FRMPD1: variants seen among roughly 807,000 people sequenced by gnomAD.
The protein encoded by FRMPD1 is FERM and PDZ domain containing 1, also known as FERM and PDZ domain-containing protein 1.
In FRMPD1, 76 loss-of-function variants were observed where a neutral mutation model predicts 117.8. The observed-to-expected ratio is 0.65, with a 90% CI of 0.54 to 0.78. The LOEUF is 0.78. Ranked by LOEUF, FRMPD1 falls within the 30% of genes least tolerant of loss-of-function variation. The pLI, the probability that FRMPD1 is intolerant of heterozygous loss-of-function variation, is 0.00. For synonymous variants in FRMPD1, 783 were observed against 770.4 expected (o/e 1.02, Z -0.27); for missense variants, 1,786 against 1,964.5 (o/e 0.91, Z 1.72).
intron 6 of FRMPD1, 70 bp downstream of exon 6, chr9:37,719,246 C>T (rs1241649146): frequency 3.2e-6 from 3 of 929,504 alleles, no homozygotes; most frequent in Non-Finnish European, 5.3e-6. Flanking sequence ...ACTCCCTGAA[C>T]CTCTGGAATT....
the FRMPD1 span, among the ~76,000 whole-genome samples, chr9:37,637,536 C>T: frequency 6.6e-6 from 1 of 152,126 alleles, no homozygotes; most frequent in Non-Finnish European, 1.5e-5. Flanking sequence ...TGCTTCTTCC[C>T]CTAACCCCTA....
chr9:37,607,473 C>T, the FRMPD1 span, among the ~76,000 whole-genome samples: 1 of 152,196 alleles, frequency 6.6e-6, no homozygotes, highest in Non-Finnish European at 1.5e-5. Flanking sequence ...AAAGCGCCTC[C>T]TTTGTGTTAC....
intron 7 of FRMPD1, among the ~76,000 whole-genome samples, chr9:37,727,015 C>T (rs897957880): frequency 3.3e-5 from 5 of 152,046 alleles, no homozygotes; most frequent in South Asian, 2.1e-4. Flanking sequence ...AGGCAACATC[C>T]GGGCACGGCG....
intron 2 of FRMPD1, among the ~76,000 whole-genome samples, chr9:37,692,955 A>T (rs1184942156): frequency 6.6e-6 from 1 of 152,060 alleles, no homozygotes; most frequent in Non-Finnish European, 1.5e-5. Flanking sequence ...ACACACAGAG[A>T]CACCCCAACT....
chr9:37,659,308 TTC>T (rs1295581240), intron 1 of FRMPD1, among the ~76,000 whole-genome samples: 1 of 152,238 alleles, frequency 6.6e-6, no homozygotes, highest in Non-Finnish European at 1.5e-5. Context: ...GCCACATGTC[TTC>T]TGTCTCCTCC....
At chr9:37,737,629 G>A (rs984871649) in intron 14 of FRMPD1, among the ~76,000 whole-genome samples, 2 of 152,046 alleles carry the variant, frequency 1.3e-5, no homozygotes, top group Non-Finnish European at 2.9e-5. Flanking sequence ...TTTGAGACCA[G>A]CCTGGCCAAC....
At chr9:37,656,713 C>T (rs1820853490) in intron 1 of FRMPD1, among the ~76,000 whole-genome samples, 1 of 150,718 alleles carries the variant, frequency 6.6e-6, no homozygotes, top group Non-Finnish European at 1.5e-5. Flanking sequence ...TTTCAGTTAA[C>T]TATCTGCCTG....
intron 1 of FRMPD1, among the ~76,000 whole-genome samples, chr9:37,672,804 G>A: frequency 6.6e-6 from 1 of 152,116 alleles, no homozygotes. Context: ...AAGCAAAAGT[G>A]GAAGCCCCCA....
chr9:37,661,676 G>A (rs1418359791), intron 1 of FRMPD1: 1 of 152,204 alleles, frequency 6.6e-6, no homozygotes, highest in Non-Finnish European at 1.5e-5. Context: ...GTGTGAATTT[G>A]AAGGTTGCTT....
At chr9:37,621,123 A>C in the FRMPD1 span, among the ~76,000 whole-genome samples, 3 of 152,338 alleles carry the variant, frequency 2.0e-5, no homozygotes, top group East Asian at 3.9e-4. Flanking sequence ...CTTCATTACA[A>C]TATTTCATAT....
At chr9:37,696,051 C>CTTTTTTT (rs61521469) in intron 2 of FRMPD1, among the ~76,000 whole-genome samples, 16 of 78,108 alleles carry the variant, frequency 2.0e-4, no homozygotes, top group Admixed American at 3.2e-4. Context: ...CATTGTTTTG[C>CTTTTTTT]TTTTTTTTTT....
the FRMPD1 span, among the ~76,000 whole-genome samples, chr9:37,613,531 G>T: frequency 3.3e-4 from 50 of 152,286 alleles, no homozygotes; most frequent in African/African-American, 1.2e-3. Context: ...GTGTAAAGGG[G>T]TTAGTCTGCC....
chr9:37,710,509 T>TATATGATTACAAA (rs992793720), intron 4 of FRMPD1, among the ~76,000 whole-genome samples: 2 of 152,212 alleles, frequency 1.3e-5, no homozygotes, highest in Non-Finnish European at 2.9e-5. Flanking sequence ...ATTATATGAT[T>TATATGATTACAAA]GGGCTCATTA....
At chr9:37,651,312 A>G (rs1303006520) in intron 1 of FRMPD1, among the ~76,000 whole-genome samples, 4 of 152,132 alleles carry the variant, frequency 2.6e-5, no homozygotes, top group African/African-American at 9.7e-5. Context: ...CACAGTAGCG[A>G]TGTGTGCTTA....
chr9:37,702,176 C>T (rs542744968), intron 2 of FRMPD1, among the ~76,000 whole-genome samples: 2 of 152,180 alleles, frequency 1.3e-5, no homozygotes, highest in African/African-American at 4.8e-5. Context: ...CTGTTCATTA[C>T]TGGTTGTATA....
chr9:37,737,948 G>T (rs529793241), intron 14 of FRMPD1, among the ~76,000 whole-genome samples: 2 of 151,634 alleles, frequency 1.3e-5, no homozygotes, highest in African/African-American at 4.9e-5. Context: ...GCAATCTCTT[G>T]AAGTATAAAA....
chr9:37,715,824 G>T, intron 5 of FRMPD1: 4 of 413,978 alleles, frequency 9.7e-6, no homozygotes, highest in South Asian at 7.1e-5. Flanking sequence ...TCCCAAAGCA[G>T]CCAGTTTCAT....
chr9:37,713,514 C>G (rs2118196773), intron 5 of FRMPD1, among the ~76,000 whole-genome samples: 1 of 151,958 alleles, frequency 6.6e-6, no homozygotes, highest in Admixed American at 6.6e-5. Flanking sequence ...CGCTTGAGCC[C>G]AGGAAGTCGA....
At chr9:37,722,930 C>G (rs1823461985) in intron 6 of FRMPD1, among the ~76,000 whole-genome samples, 1 of 152,132 alleles carries the variant, frequency 6.6e-6, no homozygotes, top group Admixed American at 6.5e-5. Flanking sequence ...GGAGATTCTC[C>G]AAAACCCTCT....
Sources: allele counts gnomAD v4.1 joint callset (sites outside exome capture counted in the v4.1 genomes callset), GRCh38; gene constraint gnomAD v4.1.1; transcripts MANE v1.5; gene names NCBI Gene and HGNC (gene_info 2026-07-23, HGNC 2026-07-21).